HAPLN1: variants seen among roughly 807,000 people sequenced by gnomAD.
HAPLN1 encodes the protein hyaluronan and proteoglycan link protein 1.
In HAPLN1, 13 loss-of-function variants were observed where a neutral mutation model predicts 36.5. The observed-to-expected ratio is 0.36, with a 90% CI of 0.23 to 0.57. The LOEUF (loss-of-function observed/expected upper bound fraction) is 0.57. HAPLN1 is among the 20% of genes least tolerant of loss of function. The pLI is 0.83. For synonymous variants in HAPLN1, 202 were observed against 169.8 expected (o/e 1.19, Z -1.48); for missense variants, 407 against 439.7 (o/e 0.93, Z 0.66).
intron 1 of HAPLN1, among the ~76,000 whole-genome samples, chr5:83,678,187 C>T (rs1205125692): frequency 6.7e-6 from 1 of 148,842 alleles, no homozygotes; most frequent in Admixed American, 6.8e-5. Flanking sequence ...TTCCTCTCTA[C>T]TTTTCCTCAT....
intron 2 of HAPLN1, among the ~76,000 whole-genome samples, chr5:83,661,634 C>T (rs1750394878): frequency 6.6e-6 from 1 of 151,632 alleles, no homozygotes; most frequent in Non-Finnish European, 1.5e-5. Flanking sequence ...TTAGTAGAGA[C>T]GGGGTTTCAC....
intron 2 of HAPLN1, among the ~76,000 whole-genome samples, chr5:83,666,848 C>CACACACCA (rs2112588784): frequency 6.6e-6 from 1 of 152,054 alleles, no homozygotes; most frequent in South Asian, 2.1e-4. Context: ...AGAGAATAAC[C>CACACACCA]CAGTGTTTTG....
chr5:83,712,610 T>C (rs1008492822), intron 1 of HAPLN1, among the ~76,000 whole-genome samples: 21 of 152,094 alleles, frequency 1.4e-4, no homozygotes, highest in African/African-American at 4.8e-4. Context: ...ACTTTTTTCA[T>C]TGGCCTGTAG....
chr5:83,712,854 G>T (rs1212967116), intron 1 of HAPLN1, among the ~76,000 whole-genome samples: 1 of 146,194 alleles, frequency 6.8e-6, no homozygotes, highest in East Asian at 2.0e-4. Context: ...TTATCAAGCA[G>T]TCCTATAAGG....
chr5:83,666,140 C>T (rs904087065), intron 2 of HAPLN1, among the ~76,000 whole-genome samples: 37 of 152,144 alleles, frequency 2.4e-4, no homozygotes, highest in African/African-American at 8.9e-4. Context: ...AATTTCTTAG[C>T]ATTTTGGTGT....
chr5:83,643,353 T>TAAAAA (rs79459806), intron 4 of HAPLN1, among the ~76,000 whole-genome samples: 1 of 111,870 alleles, frequency 8.9e-6, no homozygotes, highest in Non-Finnish European at 1.8e-5. Flanking sequence ...TACCCTGTCT[T>TAAAAA]AAAAAAAAAA....
chr5:83,704,024 G>A (rs890563789), intron 1 of HAPLN1, among the ~76,000 whole-genome samples: 3 of 151,670 alleles, frequency 2.0e-5, no homozygotes, highest in Non-Finnish European at 2.9e-5. Flanking sequence ...CCTAGAAAAG[G>A]GAAGCCCATC....
intron 2 of HAPLN1, among the ~76,000 whole-genome samples, chr5:83,653,687 C>T (rs563898927): frequency 6.6e-6 from 1 of 152,280 alleles, no homozygotes; most frequent in South Asian, 2.1e-4. Context: ...CTTTTGTTTT[C>T]CTCCAAGTCC....
At chr5:83,713,741 C>T (rs1362864484) in intron 1 of HAPLN1, among the ~76,000 whole-genome samples, 1 of 152,152 alleles carries the variant, frequency 6.6e-6, no homozygotes, top group East Asian at 1.9e-4. Context: ...TGCATCCCTC[C>T]TCAGGTAATC....
chr5:83,710,979 G>C (rs1353382561), intron 1 of HAPLN1, among the ~76,000 whole-genome samples: 4 of 152,028 alleles, frequency 2.6e-5, no homozygotes, highest in Admixed American at 2.6e-4. Flanking sequence ...AAAATAACCA[G>C]AGTGGGAGAG....
rs146889792 is a variant in HAPLN1, at chr5:83,690,017, A to G, written c.-26-16468T>C. The stretch of plus-strand genomic sequence containing the variant: ...TTTACATTTACAGTATTATTAGTGC[A>G]CTGCTTTCTTCAAAGAGCTATTTTC... On this transcript the variant is annotated intron_variant, in intron 1 of 4. Coordinates refer to ENST00000274341, the MANE Select transcript of HAPLN1 (RefSeq NM_001884.4). Among the ~76,000 whole-genome samples, 918 of 152,160 alleles carry G rather than the reference A, an allele frequency of 6.0e-3. 11 individuals are homozygous for G. Among genetic ancestry groups the G allele is most frequent in the African/African-American group, 0.021 (884 of 41,528 alleles).
Position 83,655,517 on chromosome 5 carries a change from GGTGT to G in HAPLN1, c.101-2697_101-2694del, listed in dbSNP as rs60890807. 2.0e-4 allele frequency among the ~76,000 whole-genome samples: 30 copies of G among 147,856 alleles called. 1 individual carries two copies. The highest frequency in any genetic ancestry group is 6.2e-4 in the African/African-American group (25 of 40,150). On this transcript the variant is annotated intron_variant, in intron 2 of 4. Transcript: ENST00000274341. ...ATTCTACCATTCTCATTCACTTTGG[GGTGT>G]GTGTGTGTGTGTGTGTGTGTGTGTT...
intron 1 of HAPLN1, among the ~76,000 whole-genome samples, chr5:83,700,694 T>C (rs769031085): frequency 1.3e-5 from 2 of 151,070 alleles, no homozygotes; most frequent in Non-Finnish European, 1.5e-5. Flanking sequence ...CTACCATTCA[T>C]AATGACTATT....
intron 3 of HAPLN1, among the ~76,000 whole-genome samples, chr5:83,646,087 T>C (rs1446828083): frequency 1.3e-5 from 2 of 152,128 alleles, no homozygotes; most frequent in African/African-American, 4.8e-5. Context: ...TTATGGGAGG[T>C]GACCAAGCTG....
chr5:83,646,824 C>A (rs1356313077), intron 3 of HAPLN1, among the ~76,000 whole-genome samples: 1 of 152,152 alleles, frequency 6.6e-6, no homozygotes, highest in Non-Finnish European at 1.5e-5. Flanking sequence ...TATCTTTTAT[C>A]CTCTTTCCTC....
At chr5:83,659,048 T>A (rs1580129117) in intron 2 of HAPLN1, among the ~76,000 whole-genome samples, 1 of 151,998 alleles carries the variant, frequency 6.6e-6, no homozygotes, top group Non-Finnish European at 1.5e-5. Flanking sequence ...CAGAGGTAGG[T>A]GGATCACCTG....
intron 1 of HAPLN1, among the ~76,000 whole-genome samples, chr5:83,679,997 G>A (rs1750961273): frequency 6.6e-6 from 1 of 152,092 alleles, no homozygotes; most frequent in South Asian, 2.1e-4. Flanking sequence ...ATTTTTAAAG[G>A]GATAATATCA....
intron 3 of HAPLN1, among the ~76,000 whole-genome samples, chr5:83,648,402 T>C (rs1407668675): frequency 4.5e-5 from 3 of 66,288 alleles, no homozygotes; most frequent in African/African-American, 1.9e-4. Flanking sequence ...TGACTATATA[T>C]ATATATATAT....
intron 3 of HAPLN1, among the ~76,000 whole-genome samples, chr5:83,651,796 A>T (rs1420660): frequency 6.0e-4 from 92 of 152,262 alleles, no homozygotes; most frequent in Admixed American, 5.2e-3. Flanking sequence ...CATTGGGCAG[A>T]GGGGAGGCAA....
Sources: allele counts gnomAD v4.1 joint callset (sites outside exome capture counted in the v4.1 genomes callset), GRCh38; gene constraint gnomAD v4.1.1; transcripts MANE v1.5; gene names NCBI Gene and HGNC (gene_info 2026-07-23, HGNC 2026-07-21).